SPAST: variants seen among roughly 807,000 people sequenced by gnomAD.
SPAST encodes spastin, also known as spastic paraplegia 4 (autosomal dominant; spastin).
A neutral mutation model predicts 76.6 loss-of-function variants in SPAST; 30 were observed. That is an observed-to-expected ratio of 0.39 (90% CI 0.29 to 0.53). The LOEUF (loss-of-function observed/expected upper bound fraction) is 0.53. Among genes scored for constraint, SPAST ranks in the 20% least tolerant of loss-of-function variants. The pLI is 0.68. For synonymous variants in SPAST, 305 were observed against 281.0 expected, an observed-to-expected ratio of 1.09 and a Z score of -0.86; for missense variants, 717 against 770.5, an observed-to-expected ratio of 0.93 and a Z score of 0.82.
intron 1 of SPAST, chr2:32,077,973 TTTTG>T (rs1558616181): frequency 6.6e-6 from 1 of 151,424 alleles, no homozygotes; most frequent in African/African-American, 2.4e-5. Flanking sequence ...TGTTTTTTTT[TTTTG>T]TTTGTTTTGT....
At chr2:32,075,918 T>TG (rs1676945918) in intron 1 of SPAST, among the ~76,000 whole-genome samples, 1 of 144,084 alleles carries the variant, frequency 6.9e-6, no homozygotes, top group Non-Finnish European at 1.5e-5. Context: ...TTTTTTTTTT[T>TG]GAGACAGAGT....
intron 1 of SPAST, among the ~76,000 whole-genome samples, chr2:32,070,200 G>A (rs1245976819): frequency 1.3e-5 from 2 of 151,866 alleles, no homozygotes; most frequent in African/African-American, 4.8e-5. Context: ...CGAGTAGCTG[G>A]TACTACAGGC....
chr2:32,088,470 C>G (rs866319726), intron 2 of SPAST, among the ~76,000 whole-genome samples: 3 of 152,130 alleles, frequency 2.0e-5, no homozygotes, highest in African/African-American at 7.2e-5. Flanking sequence ...CATGGAGAAA[C>G]CCTGTCTCTA....
intron 9 of SPAST, among the ~76,000 whole-genome samples, chr2:32,136,119 T>G (rs1339439362): frequency 1.3e-5 from 2 of 152,080 alleles, no homozygotes; most frequent in African/African-American, 4.8e-5. Context: ...TTGATATTTA[T>G]GTGAGAATGA....
At chr2:32,153,411 C>T (rs1680152453) in intron 16 of SPAST, among the ~76,000 whole-genome samples, 1 of 149,334 alleles carries the variant, frequency 6.7e-6, no homozygotes, top group South Asian at 2.1e-4. Context: ...ACAACCTCCA[C>T]CTCCCAGGTT....
intron 16 of SPAST, among the ~76,000 whole-genome samples, chr2:32,153,871 G>A (rs1380715959): frequency 6.6e-6 from 1 of 152,066 alleles, no homozygotes; most frequent in Non-Finnish European, 1.5e-5. Context: ...GAGGTTAGGA[G>A]TTCAGGACCA....
intron 5 of SPAST, 63 bp from the exon 6 acceptor site, chr2:32,115,639 C>G (rs1230742130): frequency 7.8e-7 from 1 of 1,279,620 alleles, no homozygotes; most frequent in Non-Finnish European, 1.1e-6. Context: ...TTAAGGTTAA[C>G]TTATTTATGA....
intron 1 of SPAST, among the ~76,000 whole-genome samples, chr2:32,086,533 C>T (rs544623965): frequency 2.0e-4 from 30 of 150,990 alleles, no homozygotes; most frequent in Non-Finnish European, 3.8e-4. Flanking sequence ...GAGGCCAAGG[C>T]GGGTGGATCA....
intron 1 of SPAST, among the ~76,000 whole-genome samples, chr2:32,076,984 T>G (rs1272895596): frequency 1.3e-5 from 2 of 152,110 alleles, no homozygotes; most frequent in Non-Finnish European, 2.9e-5. Context: ...CAAACGATTC[T>G]CCTGCCTCAG....
rs796134403 is a variant in SPAST at position 32,068,991 on chromosome 2, C to T, written c.415+4745C>T. On this transcript the variant is annotated intron_variant, in intron 1 of 16. Coordinates refer to ENST00000315285, the MANE Select transcript of SPAST (RefSeq NM_014946.4). Reference sequence around the variant, plus strand: ...TTGGGAGGCAGAGGCAGGCGGATCACTTGTAGTCAGAAGTTCGCGACCAGC... The same window carrying T: ...TTGGGAGGCAGAGGCAGGCGGATCATTTGTAGTCAGAAGTTCGCGACCAGC... Among the ~76,000 whole-genome samples, 3 of 152,068 alleles carry T rather than the reference C, an allele frequency of 2.0e-5. No homozygotes were observed. The East Asian group carries it at 5.8e-4, about 29-fold the overall frequency.
chr2:32,088,864 T>C (rs939394813), intron 2 of SPAST, among the ~76,000 whole-genome samples: 5 of 152,132 alleles, frequency 3.3e-5, no homozygotes, highest in Non-Finnish European at 7.4e-5. Flanking sequence ...GCATGGGCAA[T>C]GAAAAGCTAT....
Position 32,154,548 on chromosome 2 carries a change from A to G in SPAST, c.*52A>G. ...CATTTTACTTAAAAGAGGAAACACA[A>G]GATCTTCAATGAACGTCATCGGCTA... On this transcript the variant is annotated 3_prime_UTR_variant, in exon 17 of 17. Coordinates refer to ENST00000315285, the MANE Select transcript of SPAST (RefSeq NM_014946.4). The G allele has an allele frequency of 1.3e-6, 2 of 1,584,464 alleles. No homozygotes were observed. Among genetic ancestry groups the G allele is most frequent in the Non-Finnish European group, 1.7e-6 (2 of 1,153,658 alleles).
chr2:32,144,928 C>G lies in SPAST; in HGVS notation c.1617-9C>G. ...AAATAATTTGCTGTTTCTTCCTTCCCTTCCTCAGAATGACTGATGGATACT... is the reference window on the plus strand; with the variant it reads ...AAATAATTTGCTGTTTCTTCCTTCCGTTCCTCAGAATGACTGATGGATACT... On this transcript the variant is annotated splice_polypyrimidine_tract_variant and intron_variant, in intron 14 of 16. Coordinates refer to ENST00000315285, the MANE Select transcript of SPAST (RefSeq NM_014946.4). 2 of 1,607,702 alleles carry G rather than the reference C, an allele frequency of 1.2e-6. No homozygotes were observed. Among genetic ancestry groups the G allele is most frequent in the Non-Finnish European group, 1.7e-6 (2 of 1,175,468 alleles).
chr2:32,070,383 C>T (rs1011030906), intron 1 of SPAST, among the ~76,000 whole-genome samples: 1 of 152,026 alleles, frequency 6.6e-6, no homozygotes, highest in Non-Finnish European at 1.5e-5. Flanking sequence ...TCAAATTTGA[C>T]ACTGAATTTT....
intron 10 of SPAST, 81 bp downstream of exon 10, chr2:32,136,719 T>C (rs1679548013): frequency 1.1e-5 from 15 of 1,360,376 alleles, no homozygotes; most frequent in Non-Finnish European, 1.1e-5. Flanking sequence ...ATTGGAAACA[T>C]TATTCAGAAG....
chr2:32,115,630 T>C, intron 5 of SPAST, 72 bp from the exon 6 acceptor site: 1 of 1,189,944 alleles, frequency 8.4e-7, no homozygotes, highest in Non-Finnish European at 1.2e-6. Flanking sequence ...CTGTGAACTT[T>C]AAGGTTAACT....
At chr2:32,078,191 C>T (rs1055469593) in intron 1 of SPAST, among the ~76,000 whole-genome samples, 1 of 151,956 alleles carries the variant, frequency 6.6e-6, no homozygotes, top group African/African-American at 2.4e-5. Flanking sequence ...GGGGTTTCAC[C>T]GTTTTAGCCG....
At chr2:32,139,593 T>A (rs1278080248) in intron 12 of SPAST, among the ~76,000 whole-genome samples, 1 of 151,986 alleles carries the variant, frequency 6.6e-6, no homozygotes, top group Non-Finnish European at 1.5e-5. Flanking sequence ...TTTGGGAGGC[T>A]GAGGCAGGTG....
At chr2:32,082,941 T>G (rs1294922322) in intron 1 of SPAST, among the ~76,000 whole-genome samples, 1 of 152,186 alleles carries the variant, frequency 6.6e-6, no homozygotes, top group African/African-American at 2.4e-5. Flanking sequence ...GTTTCCTGTT[T>G]TTGTTATTGT....
Sources: gnomAD v4.1 joint callset for allele counts (sites outside exome capture counted in the v4.1 genomes callset) on GRCh38, gnomAD v4.1.1 for gene constraint, MANE v1.5 for transcripts, NCBI Gene and HGNC (gene_info 2026-07-23, HGNC 2026-07-21) for gene names.